Variants in ADAP2 observed in about 807,000 individuals in gnomAD.
The protein encoded by ADAP2 is ArfGAP with dual PH domains 2, also known as arf-GAP with dual PH domain-containing protein 2.
In ADAP2, 42 loss-of-function variants were observed where a neutral mutation model predicts 54.9. That is an observed-to-expected ratio of 0.77 (90% CI 0.60 to 0.99). ADAP2 has a LOEUF of 0.99. Among genes scored for constraint, ADAP2 ranks in the 50% least tolerant of loss-of-function variants. The probability of loss-of-function intolerance (pLI) is 0.00; values close to 1 mark genes in which losing one functional copy is unlikely to be tolerated. For synonymous variants in ADAP2, 177 were observed against 180.1 expected (o/e 0.98, Z 0.14); for missense variants, 429 against 480.4 (o/e 0.89, Z 1.00).
chr17:30,945,843 T>A (rs1912626873), intron 6 of ADAP2, among the ~76,000 whole-genome samples: 3 of 128,120 alleles, frequency 2.3e-5, no homozygotes, highest in African/African-American at 3.4e-5. Flanking sequence ...AATTAGAAAC[T>A]GCATTAAAAA....
chr17:30,934,908 C>T (rs1221016955), intron 5 of ADAP2, among the ~76,000 whole-genome samples: 2 of 151,986 alleles, frequency 1.3e-5, no homozygotes, highest in African/African-American at 4.8e-5. Context: ...GCACATACAC[C>T]TTTGTATGGT....
At chr17:30,951,146 T>C (rs1470886384) in intron 7 of ADAP2, among the ~76,000 whole-genome samples, 4 of 152,200 alleles carry the variant, frequency 2.6e-5, no homozygotes, top group African/African-American at 7.2e-5. Flanking sequence ...GCATATGGTC[T>C]CTTGGACTTC....
Position 30,958,215 on chromosome 17 carries a change from T to TAA in ADAP2, c.*360_*361dup, listed in dbSNP as rs113136221. ...ACAGCATCATGCAAGTGGCATCTTG[T>TAA]AAAAAAAAAAAAAAAGTTTAATCTG... On this transcript the variant is annotated 3_prime_UTR_variant, in exon 11 of 11. Transcript: ENST00000330889. 98 of 188,976 alleles carry TAA rather than the reference T, an allele frequency of 5.2e-4. No individual in the cohort carries two copies. The highest frequency in any genetic ancestry group is 1.6e-3 in the South Asian group (14 of 8,970). The allele number at this position is 188,976 out of a possible 1,614,324, so 11.7% of individuals were successfully genotyped here.
intron 5 of ADAP2, among the ~76,000 whole-genome samples, chr17:30,939,851 T>C (rs1031862949): frequency 6.6e-6 from 1 of 151,492 alleles, no homozygotes; most frequent in African/African-American, 2.4e-5. Context: ...ATAAGCTCCA[T>C]CAAGGTCAAG....
In ADAP2 at chr17:30,958,060, G is replaced by T; in HGVS notation, c.*191G>T. The T allele has an allele frequency of 1.6e-6, 1 of 618,860 alleles. No homozygotes were observed. The highest frequency in any genetic ancestry group is 1.8e-5 in the South Asian group (1 of 54,672). The allele number at this position is 618,860 out of a possible 1,614,324, so 38.3% of individuals were successfully genotyped here. On this transcript the variant is annotated 3_prime_UTR_variant, in exon 11 of 11. Coordinates refer to ENST00000330889, the MANE Select transcript of ADAP2 (RefSeq NM_018404.3). ...GGGCCTTCCCCGCAACCCACCTCGGGGATCTGAGGATCTGGTGCATAGATG... is the reference window on the plus strand; with the variant it reads ...GGGCCTTCCCCGCAACCCACCTCGGTGATCTGAGGATCTGGTGCATAGATG...
chr17:30,934,457 A>C (rs1464763224), intron 5 of ADAP2, among the ~76,000 whole-genome samples, 160 bp downstream of exon 5: 1 of 152,172 alleles, frequency 6.6e-6, no homozygotes, highest in Non-Finnish European at 1.5e-5. Context: ...CAGTAAATCC[A>C]GTCCACCAAA....
chr17:30,945,892 G>A (rs911072399), intron 6 of ADAP2, among the ~76,000 whole-genome samples: 1 of 149,952 alleles, frequency 6.7e-6, no homozygotes, highest in Non-Finnish European at 1.5e-5. Context: ...GGTGGCTCAC[G>A]CCTGTAATCC....
At chr17:30,937,268 T>C (rs936631798) in intron 5 of ADAP2, among the ~76,000 whole-genome samples, 9 of 149,234 alleles carry the variant, frequency 6.0e-5, no homozygotes, top group Non-Finnish European at 1.0e-4. Flanking sequence ...ATTGCTCAGG[T>C]TGAAGTGCAA....
chr17:30,952,572 C>T (rs113491692), intron 7 of ADAP2, among the ~76,000 whole-genome samples: 5 of 152,040 alleles, frequency 3.3e-5, no homozygotes, highest in Non-Finnish European at 7.4e-5. Context: ...GGTGGGGTTT[C>T]GCCATGTTGG....
chr17:30,956,351 C>T lies in ADAP2; in HGVS notation c.993C>T (p.Thr331=), dbSNP rs773928465. ...GAAATCGCTGGAAAGCCGGACTCACCATTGTCACCCCAGAGCGGAGATTTG... is the reference window on the plus strand; with the variant it reads ...GAAATCGCTGGAAAGCCGGACTCACTATTGTCACCCCAGAGCGGAGATTTG... ...IRGNRWKAGL[T]IVTPERRFVL... is the part of the protein sequence containing the mutation. The change falls in exon 10 of 11, where the codon ACC becomes ACT. Residue 331 remains threonine, a synonymous_variant. Coordinates refer to ENST00000330889, the MANE Select transcript of ADAP2 (RefSeq NM_018404.3). 1.2e-6 allele frequency: 2 copies of T among 1,614,104 alleles called. No individual in the cohort carries two copies. The highest frequency in any genetic ancestry group is 2.2e-5 in the South Asian group (2 of 91,086).
intron 3 of ADAP2, among the ~76,000 whole-genome samples, chr17:30,928,856 C>T (rs1383112049): frequency 6.6e-6 from 1 of 152,194 alleles, no homozygotes; most frequent in African/African-American, 2.4e-5. Context: ...TTAGACTCCC[C>T]ACCAGGGCTG....
rs754089542 is a variant in ADAP2 at position 30,956,282 on chromosome 17, G to T, written c.924G>T (p.Glu308Asp). Residue 308 changes from glutamate to aspartate, a missense_variant, in exon 10 of 11, where the codon GAG (glutamate) becomes GAT (aspartate). Physicochemically the swap from Glu to Asp is conservative, Grantham distance 45 (BLOSUM62 2). Coordinates refer to ENST00000330889, the MANE Select transcript of ADAP2 (RefSeq NM_018404.3). The stretch of plus-strand genomic sequence containing the variant: ...GCCAGGTTTTTCTTGGGAACAAGGA[G>T]CAGGGATATGAAGCCTACGAAGACC... ...EQGQVFLGNKEQGYEAYEDLP... is the reference protein window; with the variant it reads ...EQGQVFLGNKDQGYEAYEDLP... The T allele has an allele frequency of 2.5e-6, 4 of 1,614,084 alleles. No homozygotes were observed. In the African/African-American group the frequency reaches 5.3e-5, roughly 22 times the overall value.
intron 2 of ADAP2, among the ~76,000 whole-genome samples, chr17:30,924,530 T>A (rs1465739401): frequency 6.6e-6 from 1 of 152,144 alleles, no homozygotes; most frequent in Non-Finnish European, 1.5e-5. Flanking sequence ...TCAGCCTGCA[T>A]GGTAATTCCA....
chr17:30,933,528 C>G (rs1361013113), intron 4 of ADAP2, among the ~76,000 whole-genome samples: 2 of 152,048 alleles, frequency 1.3e-5, no homozygotes, highest in Non-Finnish European at 1.5e-5. Flanking sequence ...CGGAGGGAGT[C>G]TCACTGTGTC....
intron 2 of ADAP2, among the ~76,000 whole-genome samples, chr17:30,924,872 T>TG (rs1567713094): frequency 6.6e-6 from 1 of 151,604 alleles, no homozygotes; most frequent in African/African-American, 2.4e-5. Context: ...TTTTGTTTTT[T>TG]TTGTTTTTTT....
In ADAP2 at chr17:30,923,032, T is replaced by G; in HGVS notation, c.187T>G (p.Ser63Ala). The G allele has an allele frequency of 6.2e-7, 1 of 1,614,022 alleles. No homozygotes were observed. The highest frequency in any genetic ancestry group is 8.5e-7 in the Non-Finnish European group (1 of 1,180,004). ...CTTCCCTGACATCAGCAGAGTTAAA[T>G]CTGTGCGACTTGACTTCTGGGACGA... ...RNFPDISRVK[S>A]VRLDFWDDSI... is the part of the protein sequence containing the mutation. Residue 63 changes from serine to alanine, a missense_variant, in exon 2 of 11, where the codon TCT becomes GCT. By Grantham distance (99) the Ser-to-Ala change is moderately conservative. Coordinates refer to ENST00000330889, the MANE Select transcript of ADAP2 (RefSeq NM_018404.3).
Position 30,958,214 on chromosome 17 carries a change from G to GA in ADAP2, c.*345_*346insA. ...CACAGCATCATGCAAGTGGCATCTT[G>GA]TAAAAAAAAAAAAAAAGTTTAATCT... On this transcript the variant is annotated 3_prime_UTR_variant, in exon 11 of 11. Transcript: ENST00000330889. 1 of 222,456 alleles carries GA rather than the reference G, an allele frequency of 4.5e-6. No individual in the cohort carries two copies. Among genetic ancestry groups the GA allele is most frequent in the South Asian group, 1.0e-4 (1 of 9,908 alleles). 13.8% of individuals were successfully genotyped at this position (222,456 alleles called of 1,614,324 possible).
rs1312284812 is a variant in ADAP2 at position 30,922,874 on chromosome 17, C to G, written c.95-66C>G. ...GGGCGCCCCACCTGCCCCAGTGCCC[C>G]GAGCCCAGCCCTGGTTTCTTCACCG... On this transcript the variant is annotated intron_variant, in intron 1 of 10. Transcript: ENST00000330889. 40 of 1,573,482 alleles carry G rather than the reference C, an allele frequency of 2.5e-5. 2 individuals carry two copies. In the Middle Eastern group the frequency reaches 9.5e-4, roughly 38 times the overall value.
intron 8 of ADAP2, 137 bp downstream of exon 8, chr17:30,953,487 A>G (rs553683386): frequency 7.4e-6 from 6 of 814,104 alleles, no homozygotes; most frequent in South Asian, 1.7e-5. Context: ...CATGGGCCAC[A>G]TGCAACCCAG....
Sources: gnomAD v4.1 joint callset for allele counts (sites outside exome capture counted in the v4.1 genomes callset) on GRCh38, gnomAD v4.1.1 for gene constraint, MANE v1.5 for transcripts, NCBI Gene and HGNC (gene_info 2026-07-23, HGNC 2026-07-21) for gene names.